Variants in CEP70 observed in about 807,000 individuals in gnomAD.
CEP70 encodes centrosomal protein of 70 kDa.
Under a neutral mutation model 90.9 loss-of-function variants are expected in CEP70, and 70 were observed. The observed-to-expected ratio is 0.77, with a 90% CI of 0.64 to 0.94. CEP70 has a LOEUF of 0.94. Among genes scored for constraint, CEP70 ranks in the 40% least tolerant of loss-of-function variants. The pLI is 0.00. For synonymous variants in CEP70, 220 were observed against 228.3 expected (o/e 0.96, Z 0.33); for missense variants, 648 against 669.0 (o/e 0.97, Z 0.35).
chr3:138,542,746 A>T (rs879469441), intron 6 of CEP70, among the ~76,000 whole-genome samples: 1 of 152,208 alleles, frequency 6.6e-6, no homozygotes, highest in Non-Finnish European at 1.5e-5. Context: ...AACGTGTTAC[A>T]GCTCCTTTCA....
Position 138,571,089 on chromosome 3 carries a change from T to C in CEP70, c.229A>G (p.Thr77Ala), listed in dbSNP as rs1368536588. ...TGTATCATGTTCTGTTGACATGATG[T>C]TTCTTCCACCAACAATTTCAAATTC... is the stretch of plus-strand genomic sequence containing the variant. Reference protein sequence around the residue: ...RQNLKLLVEETSCQQNMIQEL... With the variant: ...RQNLKLLVEEASCQQNMIQEL... Residue 77 changes from threonine (T) to alanine (A), a missense_variant, in exon 5 of 18, where the codon ACA becomes GCA. Thr to Ala is a moderately conservative substitution (Grantham distance 58). Transcript: ENST00000264982. 1.9e-6 allele frequency: 3 copies of C among 1,606,318 alleles called. No homozygotes were observed. Among genetic ancestry groups the C allele is most frequent in the Non-Finnish European group, 1.7e-6 (2 of 1,174,244 alleles).
intron 13 of CEP70, among the ~76,000 whole-genome samples, chr3:138,504,054 C>T (rs2034759635): frequency 6.6e-6 from 1 of 152,128 alleles, no homozygotes; most frequent in Admixed American, 6.5e-5. Flanking sequence ...TCTAGGAAGG[C>T]TAGGGCTTTT....
intron 6 of CEP70, among the ~76,000 whole-genome samples, chr3:138,556,185 A>G (rs2039989549): frequency 6.6e-6 from 1 of 152,204 alleles, no homozygotes; most frequent in African/African-American, 2.4e-5. Flanking sequence ...AACTGAACAT[A>G]TGTTCTCACT....
chr3:138,505,742 G>A (rs775722472), intron 12 of CEP70, among the ~76,000 whole-genome samples: 2 of 152,146 alleles, frequency 1.3e-5, no homozygotes, highest in Non-Finnish European at 2.9e-5. Flanking sequence ...TTCAGTTTGA[G>A]TCTGAAGGCA....
rs114946970 is a variant in CEP70 at position 138,496,196 on chromosome 3, G to T, written c.1733-1120C>A. 5 of 985,184 alleles carry T rather than the reference G, an allele frequency of 5.1e-6. No homozygotes were observed. In the Admixed American group the frequency reaches 3.1e-4, roughly 61 times the overall value. The allele number at this position is 985,184 out of a possible 1,614,324, so 61.0% of individuals were successfully genotyped here. On this transcript the variant is annotated intron_variant, in intron 17 of 17. Coordinates refer to ENST00000264982, the MANE Select transcript of CEP70 (RefSeq NM_024491.4). ...TTCTGTTAAGCCATCATTAATAAACGCGTTCCCTTACATAAAGCATGCTTT... is the reference window on the plus strand; with the variant it reads ...TTCTGTTAAGCCATCATTAATAAACTCGTTCCCTTACATAAAGCATGCTTT...
At chr3:138,590,132 AG>A (rs1250689217) in intron 2 of CEP70, among the ~76,000 whole-genome samples, 1 of 152,134 alleles carries the variant, frequency 6.6e-6, no homozygotes, top group Non-Finnish European at 1.5e-5. Flanking sequence ...CAAAAAAAAA[AG>A]GTTTAATGTT....
intron 6 of CEP70, among the ~76,000 whole-genome samples, chr3:138,557,947 A>G (rs2108017286): frequency 6.6e-6 from 1 of 152,354 alleles, no homozygotes; most frequent in South Asian, 2.1e-4. Context: ...TGTAAATAAT[A>G]GACTAGGTAA....
At chr3:138,517,361 G>A (rs2036128224) in intron 11 of CEP70, among the ~76,000 whole-genome samples, 1 of 152,054 alleles carries the variant, frequency 6.6e-6, no homozygotes, top group South Asian at 2.1e-4. Flanking sequence ...AGCATAAGCT[G>A]ACATGTAATA....
intron 2 of CEP70, among the ~76,000 whole-genome samples, chr3:138,577,704 A>T (rs2041627813): frequency 6.6e-6 from 1 of 152,126 alleles, no homozygotes; most frequent in Admixed American, 6.6e-5. Flanking sequence ...AGCAGACAAG[A>T]GGTAAAACAA....
At chr3:138,495,921 T>C (rs910980398) in intron 17 of CEP70, 13 of 985,224 alleles carry the variant, frequency 1.3e-5, no homozygotes, top group African/African-American at 8.7e-5. Context: ...AAGTACAATA[T>C]ATTATAGAGC....
intron 16 of CEP70, chr3:138,499,827 G>A (rs1258561649): frequency 5.0e-5 from 14 of 280,788 alleles, no homozygotes; most frequent in Admixed American, 8.9e-5. Context: ...GCGTGGTGGC[G>A]TGTGCTTACA....
intron 2 of CEP70, among the ~76,000 whole-genome samples, chr3:138,586,469 A>G (rs1318457995): frequency 6.6e-6 from 1 of 152,252 alleles, no homozygotes; most frequent in Non-Finnish European, 1.5e-5. Flanking sequence ...TCTGGTACAT[A>G]TACATAATGG....
At chr3:138,531,544 T>C (rs1211729264) in intron 8 of CEP70, 1 of 152,184 alleles carries the variant, frequency 6.6e-6, no homozygotes, top group East Asian at 1.9e-4. Flanking sequence ...GTCCTATCTT[T>C]GTAGAATCTC....
At chr3:138,511,481 C>A (rs1396298047) in intron 11 of CEP70, among the ~76,000 whole-genome samples, 1 of 152,220 alleles carries the variant, frequency 6.6e-6, no homozygotes, top group Non-Finnish European at 1.5e-5. Context: ...TACTTCCTTT[C>A]ACTTAGGTGA....
chr3:138,553,996 A>G (rs925909944), intron 6 of CEP70, among the ~76,000 whole-genome samples: 4 of 152,160 alleles, frequency 2.6e-5, no homozygotes, highest in Non-Finnish European at 5.9e-5. Context: ...CAGTAGTTCA[A>G]GACTAGCCTG....
intron 8 of CEP70, chr3:138,531,697 CCT>C (rs1491292963): frequency 8.9e-6 from 1 of 112,674 alleles, no homozygotes; most frequent in Non-Finnish European, 1.9e-5. Context: ...TTCTTCTTTT[CCT>C]TTTTTTTTTT....
chr3:138,517,398 G>A (rs375150635), intron 11 of CEP70, among the ~76,000 whole-genome samples: 8 of 152,098 alleles, frequency 5.3e-5, no homozygotes, highest in South Asian at 2.1e-4. Context: ...GGCCAAGCGC[G>A]GTGACTCATG....
In CEP70 at chr3:138,532,541, G is replaced by A. The variant is rs753186478; in HGVS notation, c.665C>T (p.Ser222Phe). 14 of 1,509,238 alleles carry A rather than the reference G, an allele frequency of 9.3e-6. No individual in the cohort carries two copies. In the Middle Eastern group the frequency reaches 7.0e-4, roughly 76 times the overall value. 93.5% of individuals were successfully genotyped at this position (1,509,238 alleles called of 1,614,324 possible). Reference sequence around the variant, plus strand: ...TTGTGTATGAATTTTTCTAATTTTAGATTCATAGTAATCAATTAGACAAAG... The same window carrying A: ...TTGTGTATGAATTTTTCTAATTTTAAATTCATAGTAATCAATTAGACAAAG... ...QLLCLIDYYE[S>F]KIRKIHTQRQ... Residue 222 changes from serine (S) to phenylalanine (F), a missense_variant, in exon 8 of 18, where the codon TCT (serine) becomes TTT (phenylalanine). Physicochemically the swap from Ser to Phe is radical, Grantham distance 155. Transcript: ENST00000264982.
At chr3:138,514,758 A>C (rs186411785) in intron 11 of CEP70, among the ~76,000 whole-genome samples, 24 of 151,998 alleles carry the variant, frequency 1.6e-4, no homozygotes, top group Non-Finnish European at 3.1e-4. Flanking sequence ...TGTTTTGTTT[A>C]GTTCTAACTG....
Sources: allele counts gnomAD v4.1 joint callset (sites outside exome capture counted in the v4.1 genomes callset), GRCh38; gene constraint gnomAD v4.1.1; transcripts MANE v1.5; gene names NCBI Gene and HGNC (gene_info 2026-07-23, HGNC 2026-07-21).